CACNB4: variants seen among roughly 807,000 people sequenced by gnomAD.
CACNB4 encodes the protein calcium voltage-gated channel auxiliary subunit beta 4.
CACNB4 carries 32 observed loss-of-function variants against 71.2 expected under a neutral mutation model. The ratio of observed to expected loss-of-function variants is 0.45; its 90% confidence interval spans 0.34 to 0.60. CACNB4 has a LOEUF of 0.60. Ranked by LOEUF, CACNB4 falls within the 20% of genes least tolerant of loss-of-function variation. The pLI, the probability that CACNB4 is intolerant of heterozygous loss-of-function variation, is 0.01. For missense variants in CACNB4, 464 were observed against 647.9 expected (o/e 0.72, Z 3.08); for synonymous variants, 231 against 236.9 (o/e 0.97, Z 0.23).
chr2:151,846,036 T>G (rs1432720379), intron 12 of CACNB4, among the ~76,000 whole-genome samples: 4 of 152,138 alleles, frequency 2.6e-5, no homozygotes, highest in Non-Finnish European at 5.9e-5. Context: ...TGAAACTGAA[T>G]AAAATGGAAA....
chr2:151,873,830 A>C (rs2099845241), intron 5 of CACNB4: 1 of 152,210 alleles, frequency 6.6e-6, no homozygotes, highest in South Asian at 2.1e-4. Context: ...TGTCCCCCGC[A>C]AATCTCATGT....
At chr2:151,986,750 C>T (rs1449575310) in intron 2 of CACNB4, among the ~76,000 whole-genome samples, 5 of 152,226 alleles carry the variant, frequency 3.3e-5, no homozygotes, top group South Asian at 2.1e-4. Context: ...TGCCATCTGA[C>T]GGGGATATGC....
chr2:152,013,799 G>C (rs1683193132), intron 2 of CACNB4, among the ~76,000 whole-genome samples: 1 of 152,188 alleles, frequency 6.6e-6, no homozygotes, highest in African/African-American at 2.4e-5. Flanking sequence ...TTATGGGATG[G>C]GATAGTGCCT....
chr2:152,078,075 G>C (rs1311282557), intron 2 of CACNB4, among the ~76,000 whole-genome samples: 1 of 152,168 alleles, frequency 6.6e-6, no homozygotes, highest in Non-Finnish European at 1.5e-5. Context: ...GATGGAGGGA[G>C]GTGGCTGGGC....
rs1467889276 is a variant in CACNB4, at chr2:152,098,686, G to C, written c.63+263C>G. On this transcript the variant is annotated intron_variant, in intron 1 of 13. Transcript: ENST00000539935. This position sits in a 1 kb window ranked among gnomAD's most constrained non-coding sequence, Gnocchi z 5.3. ...CTCAGGGTGCGGGGTCCGAGTCCCC[G>C]GCATCCGCTGGGGGAGGCTGCGGGC... 7 of 1,558,530 alleles carry C rather than the reference G, an allele frequency of 4.5e-6. No individual in the cohort carries two copies. The East Asian group carries it at 1.2e-4, about 27-fold the overall frequency.
At chr2:152,043,578 C>T (rs1009751577) in intron 2 of CACNB4, among the ~76,000 whole-genome samples, 3 of 152,180 alleles carry the variant, frequency 2.0e-5, no homozygotes, top group African/African-American at 7.2e-5. Context: ...CCTCAACCTC[C>T]CAAAGTGCTG....
At chr2:151,941,658 G>T (rs1578891533) in intron 2 of CACNB4, among the ~76,000 whole-genome samples, 1 of 151,844 alleles carries the variant, frequency 6.6e-6, no homozygotes, top group Admixed American at 6.6e-5. Flanking sequence ...TTATTGCTAT[G>T]GTCTGATCAA....
intron 2 of CACNB4, among the ~76,000 whole-genome samples, chr2:151,937,119 C>T (rs2099863112): frequency 1.3e-5 from 2 of 152,186 alleles, no homozygotes; most frequent in African/African-American, 2.4e-5. Flanking sequence ...AGTACCACTC[C>T]ATATTCATTG....
At chr2:152,048,142 G>A (rs970243013) in intron 2 of CACNB4, among the ~76,000 whole-genome samples, 1 of 152,080 alleles carries the variant, frequency 6.6e-6, no homozygotes, top group African/African-American at 2.4e-5. Context: ...TGGGCTGTCT[G>A]TGCATTGGAG....
chr2:151,999,268 T>C (rs1682257112), intron 2 of CACNB4, among the ~76,000 whole-genome samples: 1 of 152,130 alleles, frequency 6.6e-6, no homozygotes, highest in Admixed American at 6.5e-5. Context: ...TTTTTTGCTC[T>C]ATCTTTTAAA....
At chr2:152,060,333 T>A (rs927931689) in intron 2 of CACNB4, among the ~76,000 whole-genome samples, 8 of 152,216 alleles carry the variant, frequency 5.3e-5, no homozygotes, top group African/African-American at 1.4e-4. Flanking sequence ...ATTAAAAGAT[T>A]TAAAATTATT....
At chr2:151,987,507 T>C (rs75048690) in intron 2 of CACNB4, among the ~76,000 whole-genome samples, 2,100 of 152,264 alleles carry the variant, frequency 0.014, 44 homozygotes, top group African/African-American at 0.048. Context: ...ATCGGGATGA[T>C]GGATCCAAAA....
chr2:151,992,087 G>A lies in CACNB4; in HGVS notation c.147+106243C>T, dbSNP rs114448859. On this transcript the variant is annotated intron_variant, in intron 2 of 13. Transcript: ENST00000539935. ...AATCCTCGACCCCCCTTCACCATTG[G>A]TGGAGAGGGCATTAAGTTTCCTCTA... Among the ~76,000 whole-genome samples, 970 of 152,302 alleles carry A rather than the reference G, an allele frequency of 6.4e-3. 10 individuals are homozygous for A. The highest frequency in any genetic ancestry group is 0.022 in the African/African-American group (922 of 41,566).
chr2:152,084,473 T>A (rs1687536711), intron 2 of CACNB4, among the ~76,000 whole-genome samples: 1 of 152,182 alleles, frequency 6.6e-6, no homozygotes, highest in Non-Finnish European at 1.5e-5. Flanking sequence ...TTAAGACACT[T>A]ACTGGACTCA....
chr2:151,885,297 G>A (rs1347600413), intron 2 of CACNB4, among the ~76,000 whole-genome samples: 1 of 152,222 alleles, frequency 6.6e-6, no homozygotes, highest in Non-Finnish European at 1.5e-5. Flanking sequence ...GATATAATGA[G>A]CAGTAATATT....
chr2:152,086,957 C>G (rs932151224), intron 2 of CACNB4, among the ~76,000 whole-genome samples: 45 of 152,038 alleles, frequency 3.0e-4, no homozygotes, highest in Non-Finnish European at 1.3e-4. Context: ...ATGGAGAAAC[C>G]CACATCTCTA....
At chr2:152,013,000 G>A (rs1282168305) in intron 2 of CACNB4, among the ~76,000 whole-genome samples, 1 of 152,116 alleles carries the variant, frequency 6.6e-6, no homozygotes, top group Non-Finnish European at 1.5e-5. Flanking sequence ...TACTTTTACT[G>A]TACCTTTTCT....
intron 2 of CACNB4, among the ~76,000 whole-genome samples, chr2:151,894,561 G>T (rs1002334205): frequency 6.6e-6 from 1 of 152,100 alleles, no homozygotes; most frequent in Admixed American, 6.5e-5. Flanking sequence ...TTTAGCCAGA[G>T]CCATCAAGCA....
chr2:151,967,479 G>A (rs2099871461), intron 2 of CACNB4: 1 of 151,774 alleles, frequency 6.6e-6, no homozygotes, highest in African/African-American at 2.4e-5. Context: ...AATTTTTTAA[G>A]TCTTATGGAG....
Sources: allele counts gnomAD v4.1 joint callset (sites outside exome capture counted in the v4.1 genomes callset), GRCh38; gene constraint gnomAD v4.1.1; non-coding constraint Gnocchi (gnomAD v3.1); transcripts MANE v1.5; gene names NCBI Gene and HGNC (gene_info 2026-07-23, HGNC 2026-07-21).